Variants in DIP2C observed in about 807,000 individuals in gnomAD.
The protein encoded by DIP2C is disco-interacting protein 2 homolog C.
Under a neutral mutation model 192.4 loss-of-function variants are expected in DIP2C, and 33 were observed. The observed-to-expected ratio is 0.17, with a 90% confidence interval of 0.13 to 0.23. DIP2C has a LOEUF of 0.23. Among genes scored for constraint, DIP2C ranks in the 10% least tolerant of loss-of-function variants. The pLI is 1.00. For synonymous variants in DIP2C, 979 were observed against 864.1 expected, an observed-to-expected ratio of 1.13 and a Z score of -2.33; for missense variants, 1,537 against 2,110.1, an observed-to-expected ratio of 0.73 and a Z score of 5.32.
intron 1 of DIP2C, among the ~76,000 whole-genome samples, chr10:524,279 T>C (rs1030106403): frequency 4.6e-5 from 7 of 152,140 alleles, no homozygotes; most frequent in Non-Finnish European, 2.9e-5. Context: ...TGGTACAGAC[T>C]GTGTGAGGCC....
Position 689,404 on chromosome 10 carries a change from C to A in DIP2C, c.85+90G>T. The A allele has an allele frequency of 1.3e-6, 1 of 786,256 alleles. No individual in the cohort carries two copies. The highest frequency in any genetic ancestry group is 1.6e-6 in the Non-Finnish European group (1 of 644,788). The allele number at this position is 786,256 out of a possible 1,614,324, so 48.7% of individuals were successfully genotyped here. On this transcript the variant is annotated intron_variant, in intron 1 of 36. Coordinates refer to ENST00000280886, the MANE Select transcript of DIP2C (RefSeq NM_014974.3). The surrounding 1 kb of genome is among the most constrained non-coding windows in gnomAD (Gnocchi z 6.1). ...CACCTCCCCCTCCGGGCCCGGCCCC[C>A]GCCCCGCCGCAGGCCCCGCGCCCCC...
At chr10:615,822 G>C (rs550946862) in intron 1 of DIP2C, among the ~76,000 whole-genome samples, 1 of 152,054 alleles carries the variant, frequency 6.6e-6, no homozygotes, top group African/African-American at 2.4e-5. Flanking sequence ...CAGACATTGC[G>C]CCTGTGTCAC....
rs771011317 is a variant in DIP2C at position 357,824 on chromosome 10, C to T, written c.2904+4G>A. On this transcript the variant is annotated splice_donor_region_variant and intron_variant, in intron 23 of 36. Transcript: ENST00000280886. ...TCGGGGAGACTCAGGGACCCAGCTCCTACCTTGCGTGCCTGGTCGTTATCT... is the reference window on the plus strand; with the variant it reads ...TCGGGGAGACTCAGGGACCCAGCTCTTACCTTGCGTGCCTGGTCGTTATCT... 4.3e-6 allele frequency: 7 copies of T among 1,610,894 alleles called. No homozygotes were observed. The highest frequency in any genetic ancestry group is 5.9e-6 in the Non-Finnish European group (7 of 1,178,598).
intron 1 of DIP2C, among the ~76,000 whole-genome samples, chr10:508,258 C>T (rs926781068): frequency 1.3e-5 from 2 of 152,100 alleles, no homozygotes; most frequent in South Asian, 4.2e-4. Flanking sequence ...CCATCTTTTC[C>T]CCAGAGCCCC....
In DIP2C at chr10:580,595, T is replaced by C. The variant is rs1172419748; in HGVS notation, c.86-94065A>G. Among the ~76,000 whole-genome samples, 6 of 152,192 alleles carry C rather than the reference T, an allele frequency of 3.9e-5. No homozygotes were observed. The East Asian group carries it at 9.6e-4, about 24-fold the overall frequency. ...CACATGTAGTGTACATACCTATACATTGTAAATACATGTACAATGGCAATA... is the reference window on the plus strand; with the variant it reads ...CACATGTAGTGTACATACCTATACACTGTAAATACATGTACAATGGCAATA... On this transcript the variant is annotated intron_variant, in intron 1 of 36. Transcript: ENST00000280886.
intron 31 of DIP2C, among the ~76,000 whole-genome samples, chr10:313,222 A>G (rs1227132892): frequency 6.6e-6 from 1 of 152,224 alleles, no homozygotes; most frequent in Non-Finnish European, 1.5e-5. Context: ...CCCTAATGCA[A>G]AAGAGTGCCC....
chr10:582,968 T>A (rs2131597592), intron 1 of DIP2C, among the ~76,000 whole-genome samples: 1 of 152,344 alleles, frequency 6.6e-6, no homozygotes, highest in East Asian at 1.9e-4. Flanking sequence ...TGGGGAAGAC[T>A]AATTTTCTCC....
chr10:395,826 T>C (rs1023131293), intron 10 of DIP2C, among the ~76,000 whole-genome samples: 1 of 152,164 alleles, frequency 6.6e-6, no homozygotes, highest in African/African-American at 2.4e-5. Flanking sequence ...CCTCATCACA[T>C]GCACAGGTTA....
chr10:502,064 C>T (rs816596), intron 1 of DIP2C, among the ~76,000 whole-genome samples: 96,950 of 152,102 alleles, frequency 0.64, 32,382 homozygotes, highest in African/African-American at 0.84. Context: ...GAGGATTGCT[C>T]GAGCCTGGGA....
chr10:398,457 T>C lies in DIP2C; in HGVS notation c.1260+652A>G, dbSNP rs1049182200. 3.3e-5 allele frequency among the ~76,000 whole-genome samples: 5 copies of C among 152,322 alleles called. No individual in the cohort carries two copies. The East Asian group carries it at 9.7e-4, about 29-fold the overall frequency. ...CACCTTTCTAGACCAAATGAACATA[T>C]GTCTTACATGTATTGCCTAATGTCT... On this transcript the variant is annotated intron_variant, in intron 10 of 36. Coordinates refer to ENST00000280886, the MANE Select transcript of DIP2C (RefSeq NM_014974.3).
At chr10:429,276 C>A (rs1275971005) in intron 4 of DIP2C, among the ~76,000 whole-genome samples, 1 of 3,912 alleles carries the variant, frequency 2.6e-4, no homozygotes, top group Non-Finnish European at 4.1e-4. Context: ...CTGCCTCCCC[C>A]CCGGACCCTG....
chr10:576,509 C>T (rs1008068624), intron 1 of DIP2C, among the ~76,000 whole-genome samples: 10 of 152,196 alleles, frequency 6.6e-5, no homozygotes, highest in Admixed American at 2.0e-4. Context: ...CTGCCATGAG[C>T]GCTAAATTAG....
At chr10:371,196 GCACCATCCCCTCACCCTA>G (rs1394934794) in intron 17 of DIP2C, among the ~76,000 whole-genome samples, 21 of 104,092 alleles carry the variant, frequency 2.0e-4, no homozygotes, top group African/African-American at 6.4e-4. Context: ...CCCTCACCCT[GCACCATCCCCTCACCCTA>G]CAAGAGTCCT....
In DIP2C at chr10:348,715, C is replaced by G; in HGVS notation, c.3157G>C (p.Val1053Leu). ...AFYGCLYAGC[V>L]PITVRPPHPQ... ...TGCGGGGGACGGACGGTTATTGGCA[C>G]ACAGCCTGCGTACAGGCAACCATAA... Residue 1053 changes from valine to leucine, a missense_variant, in exon 26 of 37, where the codon GTG becomes CTG. Val to Leu is a conservative substitution (Grantham distance 32, BLOSUM62 1). This residue lies in a region of DIP2C where 677 missense variants were observed against 989.9 expected (regional missense o/e 0.68). Transcript: ENST00000280886. The G allele has an allele frequency of 5.0e-6, 8 of 1,614,020 alleles. No homozygotes were observed. The highest frequency in any genetic ancestry group is 6.8e-6 in the Non-Finnish European group (8 of 1,179,986).
intron 1 of DIP2C, among the ~76,000 whole-genome samples, chr10:684,017 G>A (rs939778986): frequency 8.5e-5 from 13 of 152,246 alleles, no homozygotes; most frequent in Non-Finnish European, 1.5e-4. Flanking sequence ...CGCGTGGCTC[G>A]GGCCCCTAAC....
At chr10:566,691 G>A (rs1407970383) in intron 1 of DIP2C, among the ~76,000 whole-genome samples, 1 of 152,242 alleles carries the variant, frequency 6.6e-6, no homozygotes, top group Non-Finnish European at 1.5e-5. Flanking sequence ...CATGGAGGCG[G>A]TGTTCTCAAA....
At chr10:329,200 C>G (rs1256181178) in intron 30 of DIP2C, among the ~76,000 whole-genome samples, 1 of 152,206 alleles carries the variant, frequency 6.6e-6, no homozygotes, top group Non-Finnish European at 1.5e-5. Flanking sequence ...AGTGGAATGA[C>G]AGGCATTGAA....
chr10:311,482 A>G, intron 31 of DIP2C: 1 of 1,228,224 alleles, frequency 8.1e-7, no homozygotes, highest in Non-Finnish European at 1.0e-6. Context: ...GATGCGGGCA[A>G]GGCAGCGGGG....
At chr10:585,096 G>GA (rs1196041097) in intron 1 of DIP2C, among the ~76,000 whole-genome samples, 1 of 152,194 alleles carries the variant, frequency 6.6e-6, no homozygotes, top group African/African-American at 2.4e-5. Flanking sequence ...CTCTCCAGCA[G>GA]AAAGAGCCTT....
Sources: gnomAD v4.1 joint callset for allele counts (sites outside exome capture counted in the v4.1 genomes callset) on GRCh38, gnomAD v4.1.1 for gene constraint, gnomAD v4.1.1 regional missense constraint, Gnocchi (gnomAD v3.1) non-coding constraint, MANE v1.5 for transcripts, NCBI Gene and HGNC (gene_info 2026-07-23, HGNC 2026-07-21) for gene names.